Variants in RASAL2 observed in about 807,000 individuals in gnomAD.
RASAL2 encodes the protein RAS protein activator like 2, also known as ras GTPase-activating protein nGAP.
RASAL2 carries 58 observed loss-of-function variants against 128.9 expected under a neutral mutation model. The ratio of observed to expected loss-of-function variants is 0.45; its 90% CI spans 0.36 to 0.56. The LOEUF is 0.56. RASAL2 is among the 20% of genes least tolerant of loss of function. The pLI is 0.00. For missense variants in RASAL2, 1,360 were observed against 1,601.6 expected, an observed-to-expected ratio of 0.85 and a Z score of 2.57; for synonymous variants, 561 against 580.8, an observed-to-expected ratio of 0.97 and a Z score of 0.49.
chr1:178,185,708 T>C (rs1236929667), intron 1 of RASAL2, among the ~76,000 whole-genome samples: 1 of 152,088 alleles, frequency 6.6e-6, no homozygotes, highest in Non-Finnish European at 1.5e-5. Flanking sequence ...ATTTGAACTG[T>C]TGAACCAGCC....
At chr1:178,306,065 A>G (rs1366475219) in intron 3 of RASAL2, among the ~76,000 whole-genome samples, 1 of 152,228 alleles carries the variant, frequency 6.6e-6, no homozygotes, top group Non-Finnish European at 1.5e-5. Flanking sequence ...ACAGTTACCA[A>G]GGATACTAAA....
intron 1 of RASAL2, among the ~76,000 whole-genome samples, chr1:178,267,940 CGTT>C (rs1206147482): frequency 1.3e-5 from 2 of 151,732 alleles, no homozygotes; most frequent in Non-Finnish European, 2.9e-5. Context: ...TTGTATTCCT[CGTT>C]GTGTGGATCT....
intron 3 of RASAL2, among the ~76,000 whole-genome samples, chr1:178,311,172 C>A (rs1395417848): frequency 6.6e-6 from 1 of 151,342 alleles, no homozygotes; most frequent in African/African-American, 2.4e-5. Flanking sequence ...ACCAAACCTA[C>A]TAAAGGTGTT....
intron 6 of RASAL2, among the ~76,000 whole-genome samples, chr1:178,441,225 T>C (rs994545932): frequency 1.3e-5 from 2 of 152,216 alleles, no homozygotes; most frequent in Admixed American, 1.3e-4. Context: ...CTCACAGCTT[T>C]GCATTCCTTT....
intron 3 of RASAL2, among the ~76,000 whole-genome samples, chr1:178,367,197 A>G (rs1483837093): frequency 6.6e-6 from 1 of 152,158 alleles, no homozygotes; most frequent in East Asian, 1.9e-4. Flanking sequence ...ATTACTCCAC[A>G]GTCTGATCTC....
At chr1:178,245,297 T>C (rs1000227710) in intron 1 of RASAL2, among the ~76,000 whole-genome samples, 1 of 152,268 alleles carries the variant, frequency 6.6e-6, no homozygotes. Flanking sequence ...TATTTCATTG[T>C]GGTTGTAATT....
intron 3 of RASAL2, among the ~76,000 whole-genome samples, chr1:178,314,068 A>C (rs766927009): frequency 6.6e-6 from 1 of 152,218 alleles, no homozygotes; most frequent in Non-Finnish European, 1.5e-5. Context: ...TGCTGTGCCT[A>C]TGATTTAATG....
chr1:178,111,535 A>G (rs1177820041), intron 1 of RASAL2, among the ~76,000 whole-genome samples: 2 of 151,724 alleles, frequency 1.3e-5, no homozygotes, highest in Non-Finnish European at 2.9e-5. Flanking sequence ...TTCCATTTCC[A>G]TGTTTTCCTA....
At chr1:178,397,382 C>T (rs1360733223) in intron 4 of RASAL2, among the ~76,000 whole-genome samples, 1 of 152,160 alleles carries the variant, frequency 6.6e-6, no homozygotes, top group African/African-American at 2.4e-5. Flanking sequence ...CCAAAGGCCA[C>T]ATGTTGTATG....
intron 1 of RASAL2, among the ~76,000 whole-genome samples, chr1:178,237,373 C>G (rs1343536388): frequency 6.6e-6 from 1 of 152,082 alleles, no homozygotes; most frequent in Non-Finnish European, 1.5e-5. Context: ...TGAGGATATA[C>G]ATTTGGAAGC....
At chr1:178,164,210 C>G (rs573128543) in intron 1 of RASAL2, among the ~76,000 whole-genome samples, 1 of 152,190 alleles carries the variant, frequency 6.6e-6, no homozygotes, top group African/African-American at 2.4e-5. Flanking sequence ...GAAATTAGCT[C>G]TAAGACTCCC....
chr1:178,360,191 A>G (rs955982382), intron 3 of RASAL2, among the ~76,000 whole-genome samples: 7 of 152,168 alleles, frequency 4.6e-5, no homozygotes, highest in African/African-American at 1.4e-4. Context: ...AGTAGGAGAT[A>G]GCCAGCCAGT....
intron 1 of RASAL2, among the ~76,000 whole-genome samples, chr1:178,137,160 T>C (rs898522166): frequency 1.3e-5 from 2 of 152,212 alleles, no homozygotes; most frequent in African/African-American, 4.8e-5. Context: ...ATTTTTCTCT[T>C]GTTATTCAGA....
chr1:178,441,190 A>T (rs554291887), intron 6 of RASAL2, among the ~76,000 whole-genome samples: 1 of 152,294 alleles, frequency 6.6e-6, no homozygotes, highest in East Asian at 1.9e-4. Flanking sequence ...TTATGGTATG[A>T]TTTAGGTTCA....
chr1:178,115,997 G>A (rs1659509155), intron 1 of RASAL2, among the ~76,000 whole-genome samples: 1 of 152,054 alleles, frequency 6.6e-6, no homozygotes, highest in Non-Finnish European at 1.5e-5. Flanking sequence ...TTTACTGAGA[G>A]TTTTTTCCCT....
intron 2 of RASAL2, among the ~76,000 whole-genome samples, chr1:178,292,914 G>A (rs1448540196): frequency 6.6e-6 from 1 of 152,076 alleles, no homozygotes; most frequent in Non-Finnish European, 1.5e-5. Context: ...TGTATAGGCA[G>A]CAAGGCATTT....
At chr1:178,189,074 G>A (rs1274538994) in intron 1 of RASAL2, among the ~76,000 whole-genome samples, 2 of 152,054 alleles carry the variant, frequency 1.3e-5, no homozygotes, top group Non-Finnish European at 2.9e-5. Flanking sequence ...TAAATCTGGA[G>A]TGATGACATT....
chr1:178,111,445 C>G (rs1237947462), intron 1 of RASAL2, among the ~76,000 whole-genome samples: 1 of 152,148 alleles, frequency 6.6e-6, no homozygotes, highest in East Asian at 1.9e-4. Flanking sequence ...AATTGTTTTC[C>G]TAAGTGGTTG....
At chr1:178,275,995 A>G (rs1666494292) in intron 1 of RASAL2, among the ~76,000 whole-genome samples, 1 of 152,230 alleles carries the variant, frequency 6.6e-6, no homozygotes, top group Admixed American at 6.5e-5. Flanking sequence ...TAATGTAAGG[A>G]TTAAGACTTG....
Sources: gnomAD v4.1 joint callset for allele counts (sites outside exome capture counted in the v4.1 genomes callset) on GRCh38, gnomAD v4.1.1 for gene constraint, MANE v1.5 for transcripts, NCBI Gene and HGNC (gene_info 2026-07-23, HGNC 2026-07-21) for gene names.